Variants in TERB1 observed in about 807,000 individuals in gnomAD.
The protein encoded by TERB1 is telomere repeat binding bouquet formation protein 1.
A neutral mutation model predicts 92.3 loss-of-function variants in TERB1; 63 were observed. That is an observed-to-expected ratio of 0.68 (90% CI 0.56 to 0.84). The LOEUF is 0.84. Among genes scored for constraint, TERB1 ranks in the 40% least tolerant of loss-of-function variants. The pLI is 0.00. For synonymous variants in TERB1, 252 were observed against 283.9 expected (o/e 0.89, Z 1.13); for missense variants, 709 against 843.7 (o/e 0.84, Z 1.98).
intron 13 of TERB1, 136 bp from the exon 14 acceptor site, chr16:66,770,445 A>T (rs984098347): frequency 3.2e-6 from 2 of 628,434 alleles, no homozygotes. Context: ...AAGGCAGTTT[A>T]CATTAGGAAG....
At chr16:66,766,113 C>T (rs2018341550) in intron 16 of TERB1, among the ~76,000 whole-genome samples, 1 of 151,312 alleles carries the variant, frequency 6.6e-6, no homozygotes, top group South Asian at 2.1e-4. Flanking sequence ...CCTCATGATC[C>T]ACCCGCCTCG....
chr16:66,794,909 C>CA lies in TERB1; in HGVS notation c.31+1858dup, dbSNP rs58303083. 2.1e-3 allele frequency among the ~76,000 whole-genome samples: 279 copies of CA among 132,388 alleles called. 4 individuals are homozygous for CA. Among genetic ancestry groups the CA allele is most frequent in the East Asian group, 0.015 (69 of 4,678 alleles). 86.9% of individuals were successfully genotyped at this position (132,388 alleles called of 152,430 possible). A position where few individuals can be genotyped will look rare whatever the true frequency, so the allele number is the denominator to read the frequency against. ...TGGGCGACAGAGTGAGACTCCGTCT[C>CA]AAAAAAAAAAAAAACACACACACAC... On this transcript the variant is annotated intron_variant, in intron 3 of 18. Transcript: ENST00000433154.
At chr16:66,765,691 C>T (rs1163895593) in intron 16 of TERB1, among the ~76,000 whole-genome samples, 1 of 151,532 alleles carries the variant, frequency 6.6e-6, no homozygotes, top group Non-Finnish European at 1.5e-5. Flanking sequence ...CTCCTGAGCT[C>T]AGGTAATCCA....
At chr16:66,786,421 G>A (rs1280184001) in intron 6 of TERB1, 136 bp from the exon 7 acceptor site, 8 of 619,394 alleles carry the variant, frequency 1.3e-5, no homozygotes, top group East Asian at 2.8e-5. Flanking sequence ...ATAGAATTAC[G>A]GTGGATAAAA....
rs547176353 is a variant in TERB1 at position 66,797,200 on chromosome 16, C to A, written c.-32-370G>T. Among the ~76,000 whole-genome samples the A allele has an allele frequency of 5.3e-5, 8 of 151,024 alleles. No homozygotes were observed. The East Asian group carries it at 1.6e-3, about 29-fold the overall frequency. Reference sequence around the variant, plus strand: ...CAAATGAATGATTGGGTGACTGGATCTAACTGGACCTCTTAGCTGGTCCCA... The same window carrying A: ...CAAATGAATGATTGGGTGACTGGATATAACTGGACCTCTTAGCTGGTCCCA... On this transcript the variant is annotated intron_variant, in intron 2 of 18. Transcript: ENST00000433154.
chr16:66,785,719 C>A, intron 9 of TERB1, 67 bp downstream of exon 9: 1 of 1,379,536 alleles, frequency 7.2e-7, no homozygotes. Context: ...ATAATAAATT[C>A]AATCGTTTTT....
At chr16:66,796,936 G>T in intron 2 of TERB1, 106 bp from the exon 3 acceptor site, 1 of 568,264 alleles carries the variant, frequency 1.8e-6, no homozygotes, top group Non-Finnish European at 3.1e-6. Context: ...AAAAGACCGA[G>T]GAACTACAAC....
chr16:66,799,155 A>C (rs1959217818), intron 2 of TERB1, among the ~76,000 whole-genome samples: 1 of 152,238 alleles, frequency 6.6e-6, no homozygotes, highest in Non-Finnish European at 1.5e-5. Flanking sequence ...GGACAACCTT[A>C]AGGACTATTT....
At chr16:66,760,968 C>T (rs1196865910) in intron 16 of TERB1, among the ~76,000 whole-genome samples, 1 of 144,310 alleles carries the variant, frequency 6.9e-6, no homozygotes, top group Non-Finnish European at 1.5e-5. Flanking sequence ...AAAAATTAGC[C>T]AGGCATGGTG....
intron 12 of TERB1, among the ~76,000 whole-genome samples, chr16:66,773,032 GTAGT>G (rs1313065017): frequency 6.6e-6 from 1 of 152,134 alleles, no homozygotes; most frequent in African/African-American, 2.4e-5. Flanking sequence ...TGGTTTTAAA[GTAGT>G]TAGTTTTTTA....
chr16:66,772,811 A>G, intron 12 of TERB1, 62 bp from the exon 13 acceptor site: 3 of 1,248,940 alleles, frequency 2.4e-6, no homozygotes, highest in Non-Finnish European at 3.3e-6. Flanking sequence ...ATATAAGGAC[A>G]ACTTCACAGC....
intron 14 of TERB1, among the ~76,000 whole-genome samples, chr16:66,769,134 G>A (rs2018401043): frequency 6.6e-6 from 1 of 151,600 alleles, no homozygotes; most frequent in South Asian, 2.1e-4. Flanking sequence ...AAAGAAAAAA[G>A]AAAAAGAAAT....
chr16:66,759,780 A>G (rs2018199165), intron 16 of TERB1, among the ~76,000 whole-genome samples: 1 of 144,292 alleles, frequency 6.9e-6, no homozygotes, highest in Admixed American at 6.9e-5. Flanking sequence ...CCTGGGCGAC[A>G]GAGCAAGACT....
chr16:66,773,615 G>A (rs181203347), intron 12 of TERB1, among the ~76,000 whole-genome samples: 4 of 152,240 alleles, frequency 2.6e-5, no homozygotes, highest in Non-Finnish European at 5.9e-5. Context: ...TAGACATTCA[G>A]TTCTCAGCTC....
At position 66,786,113 on chromosome 16, in the gene TERB1, G is replaced by C; in HGVS notation, c.478C>G (p.His160Asp). 6.4e-7 allele frequency: 1 copy of C among 1,550,748 alleles called. No homozygotes were observed. Among genetic ancestry groups the C allele is most frequent in the Non-Finnish European group, 8.7e-7 (1 of 1,146,320 alleles). ...TTTTTATCTGACAAATCCAACTCAT[G>C]TTTTGAAATAACTGTCCTATTAGGT... is the stretch of plus-strand genomic sequence containing the variant. ...SRLFRTVISK[H>D]ELDLSDKNVF... The change falls in exon 8 of 19, where the codon CAT (histidine) becomes GAT (aspartate). Residue 160 changes from histidine to aspartate, a missense_variant. Transcript: ENST00000433154.
intron 16 of TERB1, among the ~76,000 whole-genome samples, chr16:66,761,705 T>G (rs1156520185): frequency 6.6e-6 from 1 of 151,944 alleles, no homozygotes; most frequent in African/African-American, 2.4e-5. Context: ...GGAGAATCCC[T>G]TGAGACCAGG....
intron 10 of TERB1, among the ~76,000 whole-genome samples, chr16:66,778,438 A>T (rs1010046792): frequency 2.0e-5 from 3 of 151,294 alleles, no homozygotes; most frequent in African/African-American, 7.3e-5. Context: ...TTCCAGATGG[A>T]GTTTTGTACT....
In TERB1 at chr16:66,762,030, C is replaced by A. The variant is rs569375273; in HGVS notation, c.1781-2740G>T. Among the ~76,000 whole-genome samples the A allele has an allele frequency of 2.0e-5, 3 of 152,254 alleles. No individual in the cohort carries two copies. The East Asian group carries it at 5.8e-4, about 29-fold the overall frequency. On this transcript the variant is annotated intron_variant, in intron 16 of 18. Transcript: ENST00000433154. ...ATCACACCGCTGCACGCCAGCCTGG[C>A]GACAGAGTGAGACTCTATCTCAAAA...
chr16:66,754,984 C>G lies in TERB1; in HGVS notation c.2176G>C (p.Ala726Pro). The G allele has an allele frequency of 2.6e-6, 4 of 1,548,464 alleles. No individual in the cohort carries two copies. Among genetic ancestry groups the G allele is most frequent in the Non-Finnish European group, 3.5e-6 (4 of 1,146,346 alleles). The change falls in exon 19 of 19, where the codon GCT (alanine) becomes CCT (proline). Residue 726 changes from alanine (A) to proline (P), a missense_variant. Ala to Pro is a conservative substitution (Grantham distance 27). Coordinates refer to ENST00000433154, the MANE Select transcript of TERB1 (RefSeq NM_001136505.2). ...TGACAGTCTTCTTTCAATCAAGAAG[C>G]TGCACACGTGGGGTGTTTGGTCAGC... ...HKLTKHPTCA[A>P]S
Sources: allele counts gnomAD v4.1 joint callset (sites outside exome capture counted in the v4.1 genomes callset), GRCh38; gene constraint gnomAD v4.1.1; transcripts MANE v1.5; gene names NCBI Gene and HGNC (gene_info 2026-07-23, HGNC 2026-07-21).